Variants in CAPN13 observed in about 807,000 individuals in gnomAD.
CAPN13 encodes the protein calpain-13.
CAPN13 carries 90 observed loss-of-function variants against 98.4 expected under a neutral mutation model. The ratio of observed to expected loss-of-function variants is 0.92; its 90% CI spans 0.77 to 1.09. The LOEUF (loss-of-function observed/expected upper bound fraction) is 1.09. Ranked by LOEUF, CAPN13 falls within the 50% of genes least tolerant of loss-of-function variation. The pLI is 0.00. For missense variants in CAPN13, 887 were observed against 841.3 expected, an observed-to-expected ratio of 1.05 and a Z score of -0.67; for synonymous variants, 330 against 305.5, an observed-to-expected ratio of 1.08 and a Z score of -0.84.
intron 13 of CAPN13, among the ~76,000 whole-genome samples, 157 bp from the exon 14 acceptor site, chr2:30,742,516 C>T (rs545560871): frequency 1.3e-5 from 2 of 152,336 alleles, no homozygotes; most frequent in East Asian, 3.9e-4. Flanking sequence ...GCTACAGCAC[C>T]GTGGCCACCA....
chr2:30,734,607 C>T, intron 18 of CAPN13, 83 bp from the exon 19 acceptor site: 1 of 1,128,644 alleles, frequency 8.9e-7, no homozygotes, highest in Non-Finnish European at 1.3e-6. Flanking sequence ...AGCTTGCTTC[C>T]CTAAACCTCA....
chr2:30,804,317 C>CA (rs971058979), intron 1 of CAPN13, among the ~76,000 whole-genome samples: 22 of 152,290 alleles, frequency 1.4e-4, no homozygotes, highest in African/African-American at 5.1e-4. Context: ...TCCCCTGCCT[C>CA]AGCCTCCCAA....
In CAPN13 at chr2:30,730,912, C is replaced by A. The variant is rs1393226264; in HGVS notation, c.1984-126G>T. On this transcript the variant is annotated intron_variant, in intron 21 of 22. Coordinates refer to ENST00000295055, the MANE Select transcript of CAPN13 (RefSeq NM_144575.3). The stretch of plus-strand genomic sequence containing the variant: ...GTCTCATCACCCCTTCCAGCTAATT[C>A]CAACCCAAGCAGGGTACGGGGCGGG... 7.0e-6 allele frequency: 5 copies of A among 714,918 alleles called. No individual in the cohort carries two copies. In the East Asian group the frequency reaches 1.2e-4, roughly 18 times the overall value. The allele number at this position is 714,918 out of a possible 1,614,324, so 44.3% of individuals were successfully genotyped here.
In CAPN13 at chr2:30,801,063, T is replaced by A. The variant is rs1675241471; in HGVS notation, c.-33+6239A>T. 2.6e-5 allele frequency among the ~76,000 whole-genome samples: 4 copies of A among 152,316 alleles called. No homozygotes were observed. In the South Asian group the frequency reaches 6.2e-4, roughly 24 times the overall value. On this transcript the variant is annotated intron_variant, in intron 1 of 22. Transcript: ENST00000295055. ...TTAGTAGACTTAGGAAGTTGGGGCC[T>A]GCCATGTACCAAGTTAAAATGCAGG...
chr2:30,778,311 C>G (rs994760297), intron 2 of CAPN13, among the ~76,000 whole-genome samples: 10 of 151,950 alleles, frequency 6.6e-5, no homozygotes, highest in African/African-American at 2.4e-4. Flanking sequence ...ACCAGTGCTG[C>G]CACATCTGGG....
chr2:30,745,588 GT>G, intron 12 of CAPN13, 134 bp downstream of exon 12: 1 of 795,666 alleles, frequency 1.3e-6, no homozygotes, highest in Non-Finnish European at 2.0e-6. Flanking sequence ...TTCTAGGCCT[GT>G]GTCTGATGTA....
chr2:30,797,004 T>G (rs1221801744), intron 1 of CAPN13, among the ~76,000 whole-genome samples: 2 of 152,202 alleles, frequency 1.3e-5, no homozygotes, highest in Non-Finnish European at 2.9e-5. Context: ...GGCATGCAGT[T>G]ATATCCACCT....
intron 1 of CAPN13, among the ~76,000 whole-genome samples, chr2:30,788,719 T>A (rs1270845047): frequency 2.0e-5 from 3 of 152,090 alleles, no homozygotes; most frequent in Non-Finnish European, 4.4e-5. Context: ...CCTAGAAAAA[T>A]ACATGTAAAC....
intron 1 of CAPN13, among the ~76,000 whole-genome samples, chr2:30,803,715 A>C (rs150075614): frequency 6.6e-6 from 1 of 152,048 alleles, no homozygotes; most frequent in African/African-American, 2.4e-5. Flanking sequence ...GCAAATCTCC[A>C]CTTCATAACC....
intron 8 of CAPN13, among the ~76,000 whole-genome samples, chr2:30,755,051 T>C (rs748781753): frequency 2.6e-5 from 4 of 152,166 alleles, no homozygotes; most frequent in Non-Finnish European, 5.9e-5. Flanking sequence ...GTTACCAGTT[T>C]CTTGCTTTCT....
In CAPN13 at chr2:30,723,552, T is replaced by TG. The variant is rs201377337; in HGVS notation, c.*31-317dup. 8.8e-3 allele frequency among the ~76,000 whole-genome samples: 1,335 copies of TG among 152,062 alleles called. 19 individuals are homozygous for TG. The highest frequency in any genetic ancestry group is 0.029 in the African/African-American group (1,206 of 41,444). On this transcript the variant is annotated intron_variant, in intron 22 of 22. Coordinates refer to ENST00000295055, the MANE Select transcript of CAPN13 (RefSeq NM_144575.3). ...GCTGGCACTGGAGTGGAGGGAAACT[T>TG]GGGGGAGAGATGTTCCTCCCATCTC...
chr2:30,739,188 A>C (rs531413595), intron 15 of CAPN13, among the ~76,000 whole-genome samples: 1 of 152,226 alleles, frequency 6.6e-6, no homozygotes, highest in African/African-American at 2.4e-5. Flanking sequence ...ACATGGAGCT[A>C]TTCTATATGC....
rs1254319729 is a variant in CAPN13, at chr2:30,787,213, T to G, written c.113A>C (p.Glu38Ala). Residue 38 changes from glutamate (E) to alanine (A), a missense_variant, in exon 2 of 23, where the codon GAG becomes GCG. Coordinates refer to ENST00000295055, the MANE Select transcript of CAPN13 (RefSeq NM_144575.3). ...CLSMGRTFKDETFPAADSSIG... is the reference protein window; with the variant it reads ...CLSMGRTFKDATFPAADSSIG... ...GGAAGAATCTGCTGCAGGGAATGTC[T>G]CATCCTTAAACGTCCGGCCCATGCT... is the stretch of plus-strand genomic sequence containing the variant. The G allele has an allele frequency of 6.2e-7, 1 of 1,608,770 alleles. No homozygotes were observed. Among genetic ancestry groups the G allele is most frequent in the Non-Finnish European group, 8.5e-7 (1 of 1,177,806 alleles).
At chr2:30,759,661 G>A (rs1174878239) in intron 7 of CAPN13, among the ~76,000 whole-genome samples, 1 of 152,208 alleles carries the variant, frequency 6.6e-6, no homozygotes, top group African/African-American at 2.4e-5. Context: ...CTAAGGAAAC[G>A]GCACTAGAGA....
chr2:30,796,495 C>A (rs940628668), intron 1 of CAPN13, among the ~76,000 whole-genome samples: 2 of 151,816 alleles, frequency 1.3e-5, no homozygotes, highest in Non-Finnish European at 2.9e-5. Context: ...TGTGTCCTGT[C>A]CTATTCTACA....
chr2:30,767,622 A>G (rs1333360758), intron 5 of CAPN13, among the ~76,000 whole-genome samples: 3 of 152,186 alleles, frequency 2.0e-5, no homozygotes, highest in Non-Finnish European at 2.9e-5. Context: ...CCTCCCAAAC[A>G]TGTGGATTGG....
Position 30,732,493 on chromosome 2 carries a change from G to A in CAPN13, c.1872C>T (p.Gly624=). 1 of 1,613,158 alleles carries A rather than the reference G, an allele frequency of 6.2e-7. No homozygotes were observed. The highest frequency in any genetic ancestry group is 8.5e-7 in the Non-Finnish European group (1 of 1,179,604). ...LVTLRYSDSV[G]RVSFPSLVCF... ...AGACCAGGCTGGGGAAGCTGACCCTGCCGACGCTGTCGCTGTACCTGAGGG... is the reference window on the plus strand; with the variant it reads ...AGACCAGGCTGGGGAAGCTGACCCTACCGACGCTGTCGCTGTACCTGAGGG... The change falls in exon 20 of 23, where the codon GGC becomes GGT. Residue 624 remains glycine (G), a synonymous_variant. Coordinates refer to ENST00000295055, the MANE Select transcript of CAPN13 (RefSeq NM_144575.3).
intron 4 of CAPN13, among the ~76,000 whole-genome samples, chr2:30,773,503 TAAAG>T (rs1263022657): frequency 1.3e-5 from 2 of 152,008 alleles, no homozygotes; most frequent in Non-Finnish European, 2.9e-5. Context: ...AAATTAATAA[TAAAG>T]AGATGAACAA....
intron 17 of CAPN13, chr2:30,737,966 GACACACACACACACAC>G (rs71831494): frequency 9.4e-5 from 35 of 373,496 alleles, no homozygotes; most frequent in Admixed American, 1.5e-4. Flanking sequence ...GAATTATAAG[GACACACACACACACAC>G]ACACACACAC....
Sources: gnomAD v4.1 joint callset for allele counts (sites outside exome capture counted in the v4.1 genomes callset) on GRCh38, gnomAD v4.1.1 for gene constraint, MANE v1.5 for transcripts, NCBI Gene and HGNC (gene_info 2026-07-23, HGNC 2026-07-21) for gene names.